Variants in PPP1R1C observed in about 807,000 individuals in gnomAD.
The protein encoded by PPP1R1C is protein phosphatase 1 regulatory inhibitor subunit 1C.
A neutral mutation model predicts 17.4 loss-of-function variants in PPP1R1C; 15 were observed. That is an observed-to-expected ratio of 0.86 (90% confidence interval 0.58 to 1.33). The LOEUF is 1.33. PPP1R1C is among the 40% of genes most tolerant of loss of function. PPP1R1C has a pLI of 0.00. For missense variants in PPP1R1C, 143 were observed against 130.0 expected (o/e 1.10, Z -0.48); for synonymous variants, 35 against 43.1 (o/e 0.81, Z 0.73).
At chr2:181,982,721 T>C (rs374165527), upstream of PPP1R1C, among the ~76,000 whole-genome samples, 13 of 152,146 alleles carry the variant, frequency 8.5e-5, no homozygotes, top group African/African-American at 2.6e-4. Flanking sequence ...GAAAGACTGG[T>C]GGTAAGGTGA....
chr2:182,051,480 C>T (rs1471444662), intron 2 of PPP1R1C, among the ~76,000 whole-genome samples: 2 of 152,232 alleles, frequency 1.3e-5, no homozygotes, highest in African/African-American at 4.8e-5. Context: ...CTAAATATTA[C>T]CACCACATCA....
chr2:181,992,669 G>C (rs1685503801), intron 2 of PPP1R1C, among the ~76,000 whole-genome samples: 1 of 134,558 alleles, frequency 7.4e-6, no homozygotes, highest in Admixed American at 7.3e-5. Context: ...CTAAAAAGTG[G>C]AATCCGAAGC....
intron 2 of PPP1R1C, among the ~76,000 whole-genome samples, chr2:181,993,494 A>G (rs1685526925): frequency 6.6e-6 from 1 of 152,162 alleles, no homozygotes; most frequent in South Asian, 2.1e-4. Context: ...TGCATTTTAA[A>G]TGGTCTCATT....
At chr2:182,020,199 T>C (rs1282717976) in intron 2 of PPP1R1C, among the ~76,000 whole-genome samples, 2 of 152,216 alleles carry the variant, frequency 1.3e-5, no homozygotes, top group African/African-American at 2.4e-5. Flanking sequence ...TTTTAGTATA[T>C]TTAAAAATAT....
At chr2:182,085,095 A>G (rs1260191746) in intron 4 of PPP1R1C, among the ~76,000 whole-genome samples, 2 of 151,982 alleles carry the variant, frequency 1.3e-5, no homozygotes, top group Non-Finnish European at 2.9e-5. Context: ...ACATTGCATC[A>G]TATAGTGATA....
chr2:182,110,203 A>C (rs748107240), intron 4 of PPP1R1C, among the ~76,000 whole-genome samples: 1 of 152,204 alleles, frequency 6.6e-6, no homozygotes, highest in Admixed American at 6.6e-5. Flanking sequence ...TTCAAAATAA[A>C]TGTATCAAAA....
chr2:181,980,927 GT>G (rs34675053), upstream of PPP1R1C, among the ~76,000 whole-genome samples: 2,885 of 135,736 alleles, frequency 0.021, 13 homozygotes, highest in Non-Finnish European at 0.028. Flanking sequence ...ATAAGGAGAA[GT>G]TTTTTTTTTT....
At chr2:182,083,280 G>A (rs771614351) in intron 4 of PPP1R1C, among the ~76,000 whole-genome samples, 1 of 152,116 alleles carries the variant, frequency 6.6e-6, no homozygotes, top group Non-Finnish European at 1.5e-5. Context: ...AGTTTTAGAG[G>A]TACAGGTGGT....
In PPP1R1C at chr2:181,962,471, A is replaced by G; in HGVS notation, n.111+7837A>G. On this transcript the variant is annotated intron_variant and non_coding_transcript_variant, in intron 1 of 5. Transcript: ENST00000464264. This position sits in a 1 kb window ranked among gnomAD's most constrained non-coding sequence, Gnocchi z 6.0. ...GGTGGAGAAGATGGAGCGAGTGGTG[A>G]AGCTCATGCTATCCAGGGAGGAGAG... 1.4e-6 allele frequency: 1 copy of G among 699,610 alleles called. No homozygotes were observed. The highest frequency in any genetic ancestry group is 2.7e-6 in the Non-Finnish European group (1 of 373,346). The allele number at this position is 699,610 out of a possible 1,614,324, so 43.3% of individuals were successfully genotyped here.
At chr2:182,098,789 A>G (rs550324448) in intron 4 of PPP1R1C, among the ~76,000 whole-genome samples, 2 of 152,314 alleles carry the variant, frequency 1.3e-5, no homozygotes, top group South Asian at 2.1e-4. Context: ...TGTCTGCCTT[A>G]TTCCAAAGTA....
chr2:182,053,817 G>T (rs1266768632), intron 2 of PPP1R1C, among the ~76,000 whole-genome samples: 3 of 151,498 alleles, frequency 2.0e-5, no homozygotes, highest in Admixed American at 6.6e-5. Flanking sequence ...TTTTGCTCCT[G>T]TTGCCTAGGC....
chr2:181,975,031 A>T (rs1559042464), intron 1 of PPP1R1C, among the ~76,000 whole-genome samples: 1 of 152,146 alleles, frequency 6.6e-6, no homozygotes, highest in African/African-American at 2.4e-5. Flanking sequence ...TGTGTCAGAC[A>T]TCAATCATAT....
chr2:181,964,476 T>G (rs1176042823), intron 1 of PPP1R1C, among the ~76,000 whole-genome samples: 1 of 152,214 alleles, frequency 6.6e-6, no homozygotes, highest in African/African-American at 2.4e-5. Flanking sequence ...CTTTTGGGTA[T>G]ACACTAAGCA....
intron 2 of PPP1R1C, among the ~76,000 whole-genome samples, chr2:182,041,784 TAATA>T (rs1291693710): frequency 6.6e-6 from 1 of 152,162 alleles, no homozygotes; most frequent in East Asian, 1.9e-4. Context: ...TTTCATGTGT[TAATA>T]TAGTTGCCCT....
chr2:182,123,460 C>T (rs996762567), intron 5 of PPP1R1C, among the ~76,000 whole-genome samples: 2 of 152,154 alleles, frequency 1.3e-5, no homozygotes, highest in South Asian at 2.1e-4. Context: ...CTAGTTTACA[C>T]TCCCACCAAC....
chr2:182,063,891 A>G lies in PPP1R1C; in HGVS notation c.241+100A>G, dbSNP rs541692151. The G allele has an allele frequency of 3.3e-4, 291 of 879,996 alleles. 2 individuals are homozygous for G. In the African/African-American group the frequency reaches 4.3e-3, roughly 13 times the overall value. 54.5% of individuals were successfully genotyped at this position (879,996 alleles called of 1,614,324 possible). On this transcript the variant is annotated intron_variant, in intron 4 of 4. Coordinates refer to ENST00000682840, the MANE Select transcript of PPP1R1C (RefSeq NM_001080545.3). ...ACATATCTGATGATAAGCTAGATCT[A>G]GTCTCAGCTCTACAACTTAACAGTG...
At chr2:182,014,194 G>A (rs1686181338) in intron 2 of PPP1R1C, among the ~76,000 whole-genome samples, 2 of 152,148 alleles carry the variant, frequency 1.3e-5, no homozygotes, top group African/African-American at 2.4e-5. Flanking sequence ...GGCTTTCCAA[G>A]TATTGAAAGG....
chr2:181,987,854 C>G lies in PPP1R1C; in HGVS notation c.97C>G (p.Pro33Ala), dbSNP rs1685348642. 6.2e-7 allele frequency: 1 copy of G among 1,612,662 alleles called. No individual in the cohort carries two copies. The highest frequency in any genetic ancestry group is 8.5e-7 in the Non-Finnish European group (1 of 1,179,358). Reference sequence around the variant, plus strand: ...TCGTTCACAGATCAGGAAAAGAAGACCTACACCAGCATCACTTGTGATTCT... The same window carrying G: ...TCGTTCACAGATCAGGAAAAGAAGAGCTACACCAGCATCACTTGTGATTCT... ...EAAEQIRKRRPTPASLVILNE... is the reference protein window; with the variant it reads ...EAAEQIRKRRATPASLVILNE... The change falls in exon 2 of 5, where the codon CCT (proline) becomes GCT (alanine). Residue 33 changes from proline to alanine, a missense_variant. Coordinates refer to ENST00000682840, the MANE Select transcript of PPP1R1C (RefSeq NM_001080545.3).
chr2:182,090,487 G>A (rs998995712), intron 4 of PPP1R1C, among the ~76,000 whole-genome samples: 10 of 152,064 alleles, frequency 6.6e-5, no homozygotes, highest in East Asian at 3.9e-4. Flanking sequence ...ATTTATAACC[G>A]GTAAAAACCA....
Sources: gnomAD v4.1 joint callset for allele counts (sites outside exome capture counted in the v4.1 genomes callset) on GRCh38, gnomAD v4.1.1 for gene constraint, Gnocchi (gnomAD v3.1) non-coding constraint, MANE v1.5 for transcripts, NCBI Gene and HGNC (gene_info 2026-07-23, HGNC 2026-07-21) for gene names.